The following BPIFB2 variants were observed in gnomAD, a reference collection of about 807,000 sequenced individuals.
BPIFB2 encodes the protein BPI fold containing family B member 2, also known as BPI fold-containing family B member 2.
Under a neutral mutation model 50.1 loss-of-function variants are expected in BPIFB2, and 39 were observed. The observed-to-expected ratio is 0.78, with a 90% CI of 0.60 to 1.02. The LOEUF is 1.02. Ranked by LOEUF, BPIFB2 falls within the 50% of genes least tolerant of loss-of-function variation. The pLI is 0.00. For missense variants in BPIFB2, 574 were observed against 585.8 expected (o/e 0.98, Z 0.21); for synonymous variants, 280 against 256.3 (o/e 1.09, Z -0.88).
In BPIFB2 at chr20:33,018,840, A is replaced by C. The variant is rs1978540116; in HGVS notation, c.855+18A>C. On this transcript the variant is annotated intron_variant, in intron 9 of 15. Coordinates refer to ENST00000170150, the MANE Select transcript of BPIFB2 (RefSeq NM_025227.3). ...GGCAGCTGGTGAGGGCCCGACCTGC[A>C]GCCCAGGGCCTGTGGGGCAAGAGCT... is the stretch of plus-strand genomic sequence containing the variant. 6.2e-7 allele frequency: 1 copy of C among 1,604,376 alleles called. No homozygotes were observed. Among genetic ancestry groups the C allele is most frequent in the Non-Finnish European group, 8.5e-7 (1 of 1,175,582 alleles).
At chr20:33,014,085 T>A (rs1990324766) in intron 5 of BPIFB2, 129 bp downstream of exon 5, 2 of 1,252,116 alleles carry the variant, frequency 1.6e-6, no homozygotes, top group East Asian at 2.6e-5. Context: ...TTATTGTGCT[T>A]GTTTTATGTC....
rs779539582 is a variant in BPIFB2 at position 33,018,254 on chromosome 20, T to C, written c.578-5T>C. On this transcript the variant is annotated splice_region_variant and splice_polypyrimidine_tract_variant and intron_variant, in intron 7 of 15. Transcript: ENST00000170150. ...TCTTTTCTTCTCTACCCTGGTTTCA[T>C]GAAGGCCTCAACCCCGTGGGTCCTG... 3.1e-6 allele frequency: 5 copies of C among 1,607,314 alleles called. No individual in the cohort carries two copies. Among genetic ancestry groups the C allele is most frequent in the Non-Finnish European group, 4.3e-6 (5 of 1,174,680 alleles).
chr20:33,019,202 A>G, intron 10 of BPIFB2, 87 bp downstream of exon 10: 1 of 1,523,270 alleles, frequency 6.6e-7, no homozygotes, highest in Non-Finnish European at 9.1e-7. Context: ...GCTGGCTCTT[A>G]TCTGTCCCAA....
rs896808451 is a variant in BPIFB2, at chr20:33,020,283, C to T, written c.1081-45C>T. 4.4e-6 allele frequency: 7 copies of T among 1,591,422 alleles called. No individual in the cohort carries two copies. In the African/African-American group the frequency reaches 6.7e-5, roughly 15 times the overall value. ...GGGAGGCTGGGTGGCTGGTGCCCCC[C>T]TCATGGCTCTGTGCCCTCTGACCCT... On this transcript the variant is annotated intron_variant, in intron 11 of 15. Coordinates refer to ENST00000170150, the MANE Select transcript of BPIFB2 (RefSeq NM_025227.3).
chr20:33,014,059 G>A (rs1990324236), intron 5 of BPIFB2, 103 bp downstream of exon 5: 2 of 1,416,828 alleles, frequency 1.4e-6, no homozygotes, highest in South Asian at 1.4e-5. Flanking sequence ...GGCCACAAGG[G>A]CCTCAGGGGC....
chr20:33,017,964 C>T (rs1371457275), intron 7 of BPIFB2, among the ~76,000 whole-genome samples: 2 of 152,158 alleles, frequency 1.3e-5, no homozygotes, highest in Admixed American at 1.3e-4. Context: ...GGGCCCTTCT[C>T]CTTCCTTCTA....
chr20:33,014,037 A>T, intron 5 of BPIFB2, 81 bp downstream of exon 5: 1 of 1,512,390 alleles, frequency 6.6e-7, no homozygotes, highest in Non-Finnish European at 8.9e-7. Context: ...CCCACTCAGG[A>T]CTTTAACCAA....
rs775070046 is a variant in BPIFB2 at position 33,021,270 on chromosome 20, C to T, written c.1195-11C>T. ...TGGGACGGGCCCATCTCCCTGGCTC[C>T]GTGGCCACAGACAGATCAGGTGCGC... On this transcript the variant is annotated splice_polypyrimidine_tract_variant and intron_variant, in intron 13 of 15. Coordinates refer to ENST00000170150, the MANE Select transcript of BPIFB2 (RefSeq NM_025227.3). 5.0e-6 allele frequency: 8 copies of T among 1,613,866 alleles called. No individual in the cohort carries two copies. Among genetic ancestry groups the T allele is most frequent in the South Asian group, 3.3e-5 (3 of 90,982 alleles).
intron 15 of BPIFB2, 130 bp from the exon 16 acceptor site, chr20:33,023,212 A>G: frequency 1.2e-6 from 1 of 857,416 alleles, no homozygotes; most frequent in Non-Finnish European, 1.9e-6. Flanking sequence ...TGAGGCCCAG[A>G]GAGGCAAAGG....
At chr20:33,010,247 C>T (rs954646269) in intron 2 of BPIFB2, among the ~76,000 whole-genome samples, 4 of 152,214 alleles carry the variant, frequency 2.6e-5, no homozygotes, top group Non-Finnish European at 5.9e-5. Flanking sequence ...CCAGGTCCCT[C>T]GGTCCAAAGC....
chr20:33,008,835 A>G (rs1990248401), intron 2 of BPIFB2, 152 bp downstream of exon 2: 2 of 625,930 alleles, frequency 3.2e-6, no homozygotes, highest in East Asian at 6.2e-5. Flanking sequence ...TGCCTGACAC[A>G]TGGCGCTGCT....
At position 33,018,630 on chromosome 20, in the gene BPIFB2, C is replaced by A. The variant is rs913653109; in HGVS notation, c.670-7C>A. On this transcript the variant is annotated splice_region_variant and splice_polypyrimidine_tract_variant and intron_variant, in intron 8 of 15. Transcript: ENST00000170150. ...TTTTCTCCCACTTCCCCCTCCCACCCCTACAGGCTGTTCTCTTCCTGCTGG... is the reference window on the plus strand; with the variant it reads ...TTTTCTCCCACTTCCCCCTCCCACCACTACAGGCTGTTCTCTTCCTGCTGG... 6.8e-6 allele frequency: 11 copies of A among 1,606,466 alleles called. No homozygotes were observed. Among genetic ancestry groups the A allele is most frequent in the Non-Finnish European group, 8.5e-6 (10 of 1,176,086 alleles).
chr20:33,015,101 A>T (rs928439235), intron 5 of BPIFB2, among the ~76,000 whole-genome samples: 2 of 152,186 alleles, frequency 1.3e-5, no homozygotes, highest in Admixed American at 1.3e-4. Context: ...TCTACCCCCT[A>T]ACCCAACCTT....
chr20:33,021,509 G>A (rs1332176474), intron 14 of BPIFB2, among the ~76,000 whole-genome samples, 165 bp downstream of exon 14: 1 of 152,238 alleles, frequency 6.6e-6, no homozygotes, highest in Non-Finnish European at 1.5e-5. Context: ...GCACATATCT[G>A]TGTAGCAGCT....
chr20:33,023,490 A>G lies in BPIFB2; in HGVS notation c.*107A>G, dbSNP rs1978758768. 3 of 1,337,080 alleles carry G rather than the reference A, an allele frequency of 2.2e-6. No homozygotes were observed. The highest frequency in any genetic ancestry group is 1.4e-5 in the African/African-American group (1 of 69,314). The allele number at this position is 1,337,080 out of a possible 1,614,324, so 82.8% of individuals were successfully genotyped here. A position where few individuals can be genotyped will look rare whatever the true frequency, so the allele number is the denominator to read the frequency against. On this transcript the variant is annotated 3_prime_UTR_variant, in exon 16 of 16. Transcript: ENST00000170150. The stretch of plus-strand genomic sequence containing the variant: ...GGCAAAACCATACTTAGTCATCACC[A>G]ACAAGCTGGACTGCTTAGCTGGGCT...
intron 5 of BPIFB2, among the ~76,000 whole-genome samples, chr20:33,014,851 G>A (rs1978357066): frequency 6.6e-6 from 1 of 152,216 alleles, no homozygotes; most frequent in Non-Finnish European, 1.5e-5. Flanking sequence ...AGGGGAAATG[G>A]AAGCCCAGAG....
chr20:33,020,494 G>A (rs73254524), intron 12 of BPIFB2, 48 bp from the exon 13 acceptor site: 26,564 of 1,596,108 alleles, frequency 0.017, 1,077 homozygotes, highest in African/African-American at 0.16. Flanking sequence ...GAGCCTGGGC[G>A]TAGGGAGGTG....
chr20:33,018,979 G>C (rs1162047470), intron 9 of BPIFB2, 83 bp from the exon 10 acceptor site: 1 of 1,595,684 alleles, frequency 6.3e-7, no homozygotes, highest in Non-Finnish European at 8.6e-7. Flanking sequence ...GCTATGGGGA[G>C]CGATTGCTCA....
At chr20:33,018,587 G>A (rs778295974) in intron 8 of BPIFB2, 50 bp from the exon 9 acceptor site, 37 of 1,544,406 alleles carry the variant, frequency 2.4e-5, no homozygotes, top group Admixed American at 9.1e-5. Context: ...AGCCACCTCC[G>A]TGCTGAGGCC....
Sources: gnomAD v4.1 joint callset for allele counts (sites outside exome capture counted in the v4.1 genomes callset) on GRCh38, gnomAD v4.1.1 for gene constraint, MANE v1.5 for transcripts, NCBI Gene and HGNC (gene_info 2026-07-23, HGNC 2026-07-21) for gene names.